The following KAZN variants were observed in gnomAD, a reference collection of about 807,000 sequenced individuals.
The protein encoded by KAZN is kazrin, periplakin interacting protein.
KAZN carries 40 observed loss-of-function variants against 87.4 expected under a neutral mutation model. That is an observed-to-expected ratio of 0.46 (90% CI 0.36 to 0.60). The LOEUF is 0.60. KAZN is among the 20% of genes least tolerant of loss of function. The pLI, the probability that KAZN is intolerant of heterozygous loss-of-function variation, is 0.00. For synonymous variants in KAZN, 466 were observed against 458.3 expected (o/e 1.02, Z -0.22); for missense variants, 898 against 1,073.9 (o/e 0.84, Z 2.29).
chr1:14,669,188 G>A (rs372632581), intron 1 of KAZN, among the ~76,000 whole-genome samples: 1 of 152,294 alleles, frequency 6.6e-6, no homozygotes, highest in African/African-American at 2.4e-5. Context: ...GGAAGCCCTG[G>A]CTCTCTTCTG....
chr1:15,078,888 T>C (rs187719183), intron 8 of KAZN, among the ~76,000 whole-genome samples: 73 of 152,318 alleles, frequency 4.8e-4, no homozygotes, highest in African/African-American at 1.5e-3. Flanking sequence ...ATCAAAGCTG[T>C]CTTCGTTCTG....
intron 2 of KAZN, among the ~76,000 whole-genome samples, chr1:14,185,544 G>A (rs938269724): frequency 6.6e-6 from 1 of 152,124 alleles, no homozygotes; most frequent in Admixed American, 6.5e-5. Context: ...ATTCTTAGTT[G>A]CAAAACTATC....
intron 1 of KAZN, among the ~76,000 whole-genome samples, chr1:13,943,155 T>A (rs1021503268): frequency 6.6e-6 from 1 of 152,164 alleles, no homozygotes; most frequent in Non-Finnish European, 1.5e-5. Flanking sequence ...AGAAGACTAC[T>A]GTAGGCAGAT....
At chr1:14,126,875 G>T (rs1436170901) in intron 1 of KAZN, among the ~76,000 whole-genome samples, 1 of 152,234 alleles carries the variant, frequency 6.6e-6, no homozygotes, top group African/African-American at 2.4e-5. Flanking sequence ...GGAGGCCAAG[G>T]TGGGCAGATC....
chr1:14,357,477 G>A (rs754987412), intron 2 of KAZN, among the ~76,000 whole-genome samples: 19 of 152,200 alleles, frequency 1.2e-4, no homozygotes, highest in Non-Finnish European at 2.5e-4. Flanking sequence ...AAAGTGGTGA[G>A]AGACGGCATC....
intron 1 of KAZN, among the ~76,000 whole-genome samples, chr1:14,799,971 T>C (rs924313695): frequency 5.9e-5 from 9 of 152,190 alleles, no homozygotes; most frequent in African/African-American, 1.9e-4. Context: ...GTATCTGACA[T>C]GTTTCTTCTC....
intron 1 of KAZN, among the ~76,000 whole-genome samples, chr1:14,145,167 G>A (rs775805148): frequency 5.3e-5 from 8 of 152,102 alleles, no homozygotes; most frequent in Non-Finnish European, 1.2e-4. Context: ...TCTTGGCTGG[G>A]TGCTGTGGCT....
At chr1:14,680,796 G>A (rs182101181) in intron 1 of KAZN, among the ~76,000 whole-genome samples, 2 of 152,298 alleles carry the variant, frequency 1.3e-5, no homozygotes, top group East Asian at 3.9e-4. Flanking sequence ...TAGCTGAGGA[G>A]TATTACATGG....
chr1:14,034,581 C>T (rs1318659083), intron 1 of KAZN, among the ~76,000 whole-genome samples: 1 of 152,164 alleles, frequency 6.6e-6, no homozygotes, highest in Non-Finnish European at 1.5e-5. Context: ...ATTAAATGTG[C>T]TAGGTTTGAA....
intron 1 of KAZN, among the ~76,000 whole-genome samples, chr1:14,000,542 A>G (rs899893817): frequency 2.0e-5 from 3 of 152,210 alleles, no homozygotes; most frequent in Non-Finnish European, 4.4e-5. Context: ...GCATTGATGG[A>G]ACATATCTCA....
chr1:14,317,530 A>G (rs1472229941), intron 2 of KAZN, among the ~76,000 whole-genome samples: 2 of 151,912 alleles, frequency 1.3e-5, no homozygotes, highest in East Asian at 3.9e-4. Context: ...CATTTGATGT[A>G]TTTATTATAT....
At chr1:14,440,727 T>C (rs1461057696) in intron 2 of KAZN, among the ~76,000 whole-genome samples, 1 of 152,220 alleles carries the variant, frequency 6.6e-6, no homozygotes, top group African/African-American at 2.4e-5. Flanking sequence ...CATGGTGCTC[T>C]TCTGTTTTGG....
chr1:14,722,637 C>T (rs886664962), intron 1 of KAZN, among the ~76,000 whole-genome samples: 10 of 152,194 alleles, frequency 6.6e-5, no homozygotes, highest in African/African-American at 2.4e-4. Context: ...TGGTATCTCT[C>T]TGTCTCTTTT....
intron 2 of KAZN, among the ~76,000 whole-genome samples, chr1:15,031,808 A>C (rs1450581228): frequency 2.0e-5 from 3 of 152,078 alleles, no homozygotes; most frequent in African/African-American, 7.2e-5. Flanking sequence ...ATGAGGTCTC[A>C]CCATGTCGTC....
At chr1:14,033,257 G>A (rs1305635073) in intron 1 of KAZN, among the ~76,000 whole-genome samples, 1 of 152,146 alleles carries the variant, frequency 6.6e-6, no homozygotes, top group Non-Finnish European at 1.5e-5. Context: ...ACCAGGGTGG[G>A]CAAGGATAGC....
Position 14,949,021 on chromosome 1 carries a change from G to A in KAZN, c.227-11663G>A, listed in dbSNP as rs929010045. Reference sequence around the variant, plus strand: ...AAAATACAAACATTAGAAGGGCGTTGTAGCACATGCCTGTAATCCCAGCTA... The same window carrying A: ...AAAATACAAACATTAGAAGGGCGTTATAGCACATGCCTGTAATCCCAGCTA... On this transcript the variant is annotated intron_variant, in intron 1 of 14. Coordinates refer to ENST00000376030, the MANE Select transcript of KAZN (RefSeq NM_201628.3). The surrounding 1 kb of genome is among the most constrained non-coding windows in gnomAD (Gnocchi z 4.3). Among the ~76,000 whole-genome samples the A allele has an allele frequency of 6.6e-6, 1 of 152,014 alleles. No homozygotes were observed. Among genetic ancestry groups the A allele is most frequent in the African/African-American group, 2.4e-5 (1 of 41,340 alleles).
At chr1:14,264,250 T>G (rs1651304746) in intron 2 of KAZN, among the ~76,000 whole-genome samples, 1 of 152,176 alleles carries the variant, frequency 6.6e-6, no homozygotes, top group Non-Finnish European at 1.5e-5. Context: ...TCCTCGCAAT[T>G]GTAGGACTGA....
chr1:13,926,652 TAAAAAAA>T (rs60345092), intron 1 of KAZN, among the ~76,000 whole-genome samples: 14,233 of 145,116 alleles, frequency 0.098, 744 homozygotes, highest in Middle Eastern at 0.16. Flanking sequence ...CTTTAAGAGT[TAAAAAAA>T]AAAAAAAAAT....
Position 14,920,198 on chromosome 1 carries a change from T to C in KAZN, c.227-40486T>C, listed in dbSNP as rs1658337632. ...TTTATCTTGTAGTCTTCTCCAGTGATCTAAAGGATGTTCCTCTGGGAACGA... is the reference window on the plus strand; with the variant it reads ...TTTATCTTGTAGTCTTCTCCAGTGACCTAAAGGATGTTCCTCTGGGAACGA... On this transcript the variant is annotated intron_variant, in intron 1 of 14. Coordinates refer to ENST00000376030, the MANE Select transcript of KAZN (RefSeq NM_201628.3). 3.3e-5 allele frequency among the ~76,000 whole-genome samples: 5 copies of C among 151,744 alleles called. No homozygotes were observed. The South Asian group carries it at 1.0e-3, about 32-fold the overall frequency.
Sources: gnomAD v4.1 joint callset for allele counts (sites outside exome capture counted in the v4.1 genomes callset) on GRCh38, gnomAD v4.1.1 for gene constraint, Gnocchi (gnomAD v3.1) non-coding constraint, MANE v1.5 for transcripts, NCBI Gene and HGNC (gene_info 2026-07-23, HGNC 2026-07-21) for gene names.